ARHGAP15: variants seen among roughly 807,000 people sequenced by gnomAD.
The protein encoded by ARHGAP15 is rho GTPase-activating protein 15.
ARHGAP15 carries 51 observed loss-of-function variants against 63.7 expected under a neutral mutation model. That is an observed-to-expected ratio of 0.80 (90% CI 0.64 to 1.01). ARHGAP15 has a LOEUF of 1.01. Ranked by LOEUF, ARHGAP15 falls within the 50% of genes least tolerant of loss-of-function variation. ARHGAP15 has a pLI of 0.00. For synonymous variants in ARHGAP15, 191 were observed against 193.8 expected, an observed-to-expected ratio of 0.99 and a Z score of 0.12; for missense variants, 560 against 564.6, an observed-to-expected ratio of 0.99 and a Z score of 0.08.
At chr2:143,726,371 GTCTT>G (rs750073199) in intron 13 of ARHGAP15, among the ~76,000 whole-genome samples, 2 of 151,098 alleles carry the variant, frequency 1.3e-5, no homozygotes, top group Admixed American at 6.6e-5. Context: ...CTAAAGTAGC[GTCTT>G]TCTGTCTATG....
At chr2:143,749,729 TA>T (rs1367930167) in intron 13 of ARHGAP15, among the ~76,000 whole-genome samples, 1 of 152,246 alleles carries the variant, frequency 6.6e-6, no homozygotes, top group Non-Finnish European at 1.5e-5. Flanking sequence ...TTATATGTTT[TA>T]AATTCAAAAT....
chr2:143,733,996 G>A (rs1685649722), intron 13 of ARHGAP15, among the ~76,000 whole-genome samples: 1 of 152,046 alleles, frequency 6.6e-6, no homozygotes, highest in South Asian at 2.1e-4. Flanking sequence ...ATCTAAATTT[G>A]TTTTATAAAA....
At chr2:143,708,583 C>A (rs559799730) in intron 13 of ARHGAP15, among the ~76,000 whole-genome samples, 1 of 152,056 alleles carries the variant, frequency 6.6e-6, no homozygotes, top group East Asian at 1.9e-4. Flanking sequence ...TCTCAGACAC[C>A]CTGTCAGCCT....
chr2:143,484,052 A>G (rs1692196630), intron 8 of ARHGAP15, among the ~76,000 whole-genome samples: 1 of 151,952 alleles, frequency 6.6e-6, no homozygotes, highest in Admixed American at 6.6e-5. Flanking sequence ...ACCTGGTGAA[A>G]TCCCACCTCT....
chr2:143,537,024 C>T (rs1694802529), intron 10 of ARHGAP15, among the ~76,000 whole-genome samples: 1 of 151,944 alleles, frequency 6.6e-6, no homozygotes, highest in South Asian at 2.1e-4. Context: ...TCCACATCCT[C>T]TCCAGCACCT....
At chr2:143,285,064 T>C (rs932228620) in intron 6 of ARHGAP15, among the ~76,000 whole-genome samples, 4 of 152,190 alleles carry the variant, frequency 2.6e-5, no homozygotes, top group African/African-American at 4.8e-5. Context: ...ATTGATGACA[T>C]AAAGCAATCT....
intron 13 of ARHGAP15, among the ~76,000 whole-genome samples, chr2:143,726,370 C>T (rs913052454): frequency 6.6e-6 from 1 of 151,554 alleles, no homozygotes; most frequent in African/African-American, 2.4e-5. Context: ...TCTAAAGTAG[C>T]GTCTTTCTGT....
intron 12 of ARHGAP15, among the ~76,000 whole-genome samples, chr2:143,678,865 A>G (rs1315553696): frequency 6.6e-6 from 1 of 152,218 alleles, no homozygotes; most frequent in Non-Finnish European, 1.5e-5. Context: ...TGACTTTTAT[A>G]CTTAAATATA....
In ARHGAP15 at chr2:143,173,039, A is replaced by G. The variant is rs184557775; in HGVS notation, c.165+17384A>G. Among the ~76,000 whole-genome samples, 6 of 152,210 alleles carry G rather than the reference A, an allele frequency of 3.9e-5. No homozygotes were observed. The East Asian group carries it at 7.7e-4, about 20-fold the overall frequency. The stretch of plus-strand genomic sequence containing the variant: ...TGTCAGTTGACATCCATGAATTTCA[A>G]TAAAGAAGGGGTGCCCAAGAAGACT... On this transcript the variant is annotated intron_variant, in intron 2 of 13. Transcript: ENST00000295095.
At chr2:143,510,297 C>G (rs1457218919) in intron 9 of ARHGAP15, among the ~76,000 whole-genome samples, 1 of 152,042 alleles carries the variant, frequency 6.6e-6, no homozygotes, top group South Asian at 2.1e-4. Flanking sequence ...TGAATGCTAC[C>G]TACTATGGAA....
intron 2 of ARHGAP15, among the ~76,000 whole-genome samples, chr2:143,197,365 T>C (rs930681974): frequency 2.0e-5 from 3 of 151,974 alleles, no homozygotes; most frequent in African/African-American, 7.2e-5. Flanking sequence ...AATTGTCAGA[T>C]AATAATAATA....
chr2:143,705,005 T>G (rs989812863), intron 13 of ARHGAP15, among the ~76,000 whole-genome samples: 2 of 152,196 alleles, frequency 1.3e-5, no homozygotes, highest in Non-Finnish European at 2.9e-5. Flanking sequence ...TGCAAACATA[T>G]GTGTGTATGG....
At chr2:143,685,040 G>T (rs1297985188) in intron 12 of ARHGAP15, among the ~76,000 whole-genome samples, 1 of 152,184 alleles carries the variant, frequency 6.6e-6, no homozygotes, top group Admixed American at 6.5e-5. Flanking sequence ...TCAAATAAAA[G>T]TGAGGGGGGC....
chr2:143,533,333 G>C (rs998492955), intron 10 of ARHGAP15: 2 of 152,082 alleles, frequency 1.3e-5, no homozygotes, highest in Admixed American at 6.5e-5. Flanking sequence ...AATTTCTCAC[G>C]GGGCAAAATA....
At chr2:143,207,477 GACACACACACACACATAAAC>G (rs1178644750) in intron 3 of ARHGAP15, among the ~76,000 whole-genome samples, 3 of 139,542 alleles carry the variant, frequency 2.1e-5, no homozygotes, top group African/African-American at 8.2e-5. Flanking sequence ...CTCTCCCATT[GACACACACACACACATAAAC>G]ACACACACAC....
intron 6 of ARHGAP15, among the ~76,000 whole-genome samples, chr2:143,280,429 A>G (rs17814208): frequency 0.21 from 32,141 of 152,054 alleles, 3,863 homozygotes; most frequent in Admixed American, 0.34. Context: ...ACATGAAGAA[A>G]CAATAAAGAG....
chr2:143,170,513 G>A (rs925905934), intron 2 of ARHGAP15, among the ~76,000 whole-genome samples: 3 of 152,076 alleles, frequency 2.0e-5, no homozygotes, highest in Admixed American at 1.3e-4. Flanking sequence ...TCGACATGCT[G>A]GGGCACACTC....
chr2:143,310,464 C>A (rs1683392651), intron 6 of ARHGAP15, among the ~76,000 whole-genome samples: 1 of 152,122 alleles, frequency 6.6e-6, no homozygotes, highest in East Asian at 1.9e-4. Context: ...TCATTACTAA[C>A]ATAAAGTAGA....
intron 6 of ARHGAP15, among the ~76,000 whole-genome samples, chr2:143,382,155 T>A (rs35055041): frequency 9.3e-4 from 139 of 149,086 alleles, no homozygotes; most frequent in Non-Finnish European, 1.1e-3. Context: ...CCTCCCTTCC[T>A]TCCACCAGCC....
Sources: gnomAD v4.1 joint callset for allele counts (sites outside exome capture counted in the v4.1 genomes callset) on GRCh38, gnomAD v4.1.1 for gene constraint, MANE v1.5 for transcripts, NCBI Gene and HGNC (gene_info 2026-07-23, HGNC 2026-07-21) for gene names.